The following RALGPS2 variants were observed in gnomAD, a reference collection of about 807,000 sequenced individuals.
RALGPS2 encodes the protein ras-specific guanine nucleotide-releasing factor RalGPS2.
A neutral mutation model predicts 86.8 loss-of-function variants in RALGPS2; 43 were observed. The ratio of observed to expected loss-of-function variants is 0.50; its 90% CI spans 0.39 to 0.64. The LOEUF (loss-of-function observed/expected upper bound fraction) is 0.64, where lower values mean the gene tolerates loss of function less well. Among genes scored for constraint, RALGPS2 ranks in the 30% least tolerant of loss-of-function variants. The probability of loss-of-function intolerance (pLI) is 0.00; values close to 1 mark genes in which losing one functional copy is unlikely to be tolerated. For missense variants in RALGPS2, 536 were observed against 694.6 expected, an observed-to-expected ratio of 0.77 and a Z score of 2.57; for synonymous variants, 243 against 231.3, an observed-to-expected ratio of 1.05 and a Z score of -0.46.
At chr1:178,826,680 T>TA (rs1180573411) in intron 7 of RALGPS2, among the ~76,000 whole-genome samples, 5 of 152,220 alleles carry the variant, frequency 3.3e-5, no homozygotes, top group African/African-American at 4.8e-5. Context: ...AATTGTATGT[T>TA]ACGTATATAT....
At chr1:178,875,742 T>C (rs1658974015) in intron 8 of RALGPS2, among the ~76,000 whole-genome samples, 1 of 151,510 alleles carries the variant, frequency 6.6e-6, no homozygotes, top group Non-Finnish European at 1.5e-5. Context: ...CAAGACTCTT[T>C]CTTGAAAAAA....
At chr1:178,827,674 C>T (rs766265011) in intron 7 of RALGPS2, among the ~76,000 whole-genome samples, 90 of 152,254 alleles carry the variant, frequency 5.9e-4, no homozygotes, top group Admixed American at 1.4e-3. Context: ...GGATTACAGG[C>T]GTGAGCCACC....
intron 1 of RALGPS2, among the ~76,000 whole-genome samples, chr1:178,761,843 G>T (rs1235587521): frequency 1.3e-5 from 2 of 152,204 alleles, no homozygotes; most frequent in East Asian, 1.9e-4. Context: ...AAGTTCTTTA[G>T]TTCCAGAAGC....
chr1:178,908,130 CTT>C (rs1268174837), intron 19 of RALGPS2, among the ~76,000 whole-genome samples: 1 of 152,150 alleles, frequency 6.6e-6, no homozygotes, highest in Non-Finnish European at 1.5e-5. Context: ...TTGTTCCCAT[CTT>C]TGTGTCTAGG....
intron 1 of RALGPS2, among the ~76,000 whole-genome samples, chr1:178,773,656 C>A (rs978353796): frequency 6.6e-6 from 1 of 151,786 alleles, no homozygotes; most frequent in Non-Finnish European, 1.5e-5. Context: ...ATTAGCCGGG[C>A]GTGGTGGCGG....
chr1:178,854,777 C>T (rs2102301411), intron 8 of RALGPS2, among the ~76,000 whole-genome samples: 1 of 152,182 alleles, frequency 6.6e-6, no homozygotes, highest in South Asian at 2.1e-4. Context: ...CATGTTATTT[C>T]ATAATTTTAG....
intron 8 of RALGPS2, among the ~76,000 whole-genome samples, chr1:178,841,127 G>A (rs916335309): frequency 6.6e-6 from 1 of 152,030 alleles, no homozygotes; most frequent in South Asian, 2.1e-4. Flanking sequence ...AGAAAAAGAG[G>A]GAATCCTCCC....
intron 1 of RALGPS2, among the ~76,000 whole-genome samples, chr1:178,726,570 C>A (rs1221107980): frequency 6.6e-6 from 1 of 151,676 alleles, no homozygotes; most frequent in African/African-American, 2.4e-5. Context: ...AAAGAAATAT[C>A]TAATGCCTAC....
At chr1:178,847,619 C>A (rs567396796) in intron 8 of RALGPS2, among the ~76,000 whole-genome samples, 1 of 152,176 alleles carries the variant, frequency 6.6e-6, no homozygotes, top group African/African-American at 2.4e-5. Flanking sequence ...CTTTAACTTA[C>A]TACAAAGATT....
intron 8 of RALGPS2, among the ~76,000 whole-genome samples, chr1:178,859,315 G>GA (rs1664325509): frequency 6.7e-6 from 1 of 150,270 alleles, no homozygotes; most frequent in Admixed American, 6.6e-5. Flanking sequence ...TAAATAATTT[G>GA]AAAAATGTAA....
chr1:178,887,988 A>G (rs1448814694), intron 13 of RALGPS2, among the ~76,000 whole-genome samples: 2 of 152,170 alleles, frequency 1.3e-5, no homozygotes, highest in East Asian at 1.9e-4. Flanking sequence ...ACTCTTTCTC[A>G]TAAGTGTTAT....
chr1:178,836,070 A>T (rs1327159147), intron 8 of RALGPS2, among the ~76,000 whole-genome samples: 1 of 152,218 alleles, frequency 6.6e-6, no homozygotes, highest in East Asian at 1.9e-4. Flanking sequence ...TGGAGACATC[A>T]GTACAGGATT....
At chr1:178,728,805 C>CT (rs1650178139) in intron 1 of RALGPS2, among the ~76,000 whole-genome samples, 1 of 151,920 alleles carries the variant, frequency 6.6e-6, no homozygotes, top group Non-Finnish European at 1.5e-5. Context: ...ATGTCTTGAG[C>CT]TTTTGATTTA....
chr1:178,818,608 C>T (rs770169642), intron 6 of RALGPS2, among the ~76,000 whole-genome samples: 3 of 152,102 alleles, frequency 2.0e-5, no homozygotes, highest in Non-Finnish European at 4.4e-5. Context: ...AAAGTAAGTT[C>T]CATTAGGAGT....
At chr1:178,726,559 A>T (rs1650021584) in intron 1 of RALGPS2, among the ~76,000 whole-genome samples, 1 of 151,918 alleles carries the variant, frequency 6.6e-6, no homozygotes, top group Non-Finnish European at 1.5e-5. Context: ...AAAAAACCCC[A>T]AAAGAAATAT....
At chr1:178,786,304 T>G (rs1246284886) in intron 4 of RALGPS2, among the ~76,000 whole-genome samples, 2 of 152,118 alleles carry the variant, frequency 1.3e-5, no homozygotes, top group Non-Finnish European at 1.5e-5. Flanking sequence ...CCTATTGCTT[T>G]GAAGCTTTTT....
chr1:178,801,419 C>G (rs188375268), intron 4 of RALGPS2, among the ~76,000 whole-genome samples: 38 of 152,178 alleles, frequency 2.5e-4, no homozygotes, highest in Non-Finnish European at 4.6e-4. Context: ...ATGTGCCAGT[C>G]TAAAGGCTTT....
In RALGPS2 at chr1:178,916,955, G is replaced by A. The variant is rs1375806532; in HGVS notation, c.*596G>A. On this transcript the variant is annotated 3_prime_UTR_variant, in exon 20 of 20. Coordinates refer to ENST00000367635, the MANE Select transcript of RALGPS2 (RefSeq NM_152663.5). ...AGAAATGTTAGTCATGTGAGTTCTT[G>A]GGTTTGTTTGGGATTGGGTGGGGGT... 6.6e-6 allele frequency: 1 copy of A among 152,174 alleles called. No homozygotes were observed. Among genetic ancestry groups the A allele is most frequent in the Non-Finnish European group, 1.5e-5 (1 of 68,070 alleles). 9.4% of individuals were successfully genotyped at this position (152,174 alleles called of 1,614,324 possible).
chr1:178,885,132 G>A lies in RALGPS2; in HGVS notation c.961G>A (p.Ala321Thr), dbSNP rs138192388. The stretch of plus-strand genomic sequence containing the variant: ...ACGAAAAAGTGTGGCAGCTGAAGGA[G>A]CCTTGCTCCCACAGACACCGCCATC... The part of the protein sequence containing the change: ...SGRKSVAAEG[A>T]LLPQTPPSPR... The change falls in exon 12 of 20, where the codon GCC becomes ACC. Residue 321 changes from alanine (A) to threonine (T), a missense_variant. Coordinates refer to ENST00000367635, the MANE Select transcript of RALGPS2 (RefSeq NM_152663.5). 1.9e-5 allele frequency: 31 copies of A among 1,613,160 alleles called. No homozygotes were observed. The highest frequency in any genetic ancestry group is 3.3e-5 in the Admixed American group (2 of 59,754).
Sources: gnomAD v4.1 joint callset for allele counts (sites outside exome capture counted in the v4.1 genomes callset) on GRCh38, gnomAD v4.1.1 for gene constraint, MANE v1.5 for transcripts, NCBI Gene and HGNC (gene_info 2026-07-23, HGNC 2026-07-21) for gene names.